The following CSMD2 variants were observed in gnomAD, a reference collection of about 807,000 sequenced individuals.
CSMD2 encodes the protein CUB and sushi domain-containing protein 2.
In CSMD2, 130 loss-of-function variants were observed where a neutral mutation model predicts 398.5. That is an observed-to-expected ratio of 0.33 (90% CI 0.28 to 0.38). CSMD2 has a LOEUF of 0.38. Among genes scored for constraint, CSMD2 ranks in the 10% least tolerant of loss-of-function variants. The probability of loss-of-function intolerance (pLI) is 1.00; values close to 1 mark genes in which losing one functional copy is unlikely to be tolerated. For missense variants in CSMD2, 3,829 were observed against 4,764.9 expected (o/e 0.80, Z 5.78); for synonymous variants, 1,828 against 1,908.5 (o/e 0.96, Z 1.10).
chr1:33,804,779 A>T (rs1656024526), intron 10 of CSMD2: 2 of 717,468 alleles, frequency 2.8e-6, no homozygotes, highest in Non-Finnish European at 5.2e-6. Flanking sequence ...GGTTAGGCAC[A>T]CAGCATCCAT....
intron 44 of CSMD2, among the ~76,000 whole-genome samples, chr1:33,597,815 T>G (rs1165120118): frequency 6.6e-6 from 1 of 152,216 alleles, no homozygotes; most frequent in East Asian, 1.9e-4. Context: ...TCTTATTGCT[T>G]GAAATGAAAC....
intron 41 of CSMD2, among the ~76,000 whole-genome samples, chr1:33,610,402 C>T (rs1217723634): frequency 6.6e-6 from 1 of 152,164 alleles, no homozygotes; most frequent in African/African-American, 2.4e-5. Flanking sequence ...TACAGCTGCA[C>T]AGGTTGGGCA....
At chr1:33,980,759 T>A (rs536989612) in intron 3 of CSMD2, among the ~76,000 whole-genome samples, 4 of 152,252 alleles carry the variant, frequency 2.6e-5, no homozygotes, top group African/African-American at 9.6e-5. Context: ...GCCCAACAAG[T>A]ATATGCAAAT....
At chr1:33,962,604 G>A (rs1645403261) in intron 3 of CSMD2, among the ~76,000 whole-genome samples, 4 of 152,038 alleles carry the variant, frequency 2.6e-5, no homozygotes, top group Admixed American at 6.6e-5. Flanking sequence ...CCTTCCAATG[G>A]CCTGCAGGGC....
At chr1:34,066,151 TC>T (rs1036207369) in intron 2 of CSMD2, among the ~76,000 whole-genome samples, 1 of 152,200 alleles carries the variant, frequency 6.6e-6, no homozygotes, top group African/African-American at 2.4e-5. Flanking sequence ...ATGTAGCATT[TC>T]AAGCTGAGAA....
intron 41 of CSMD2, among the ~76,000 whole-genome samples, chr1:33,610,642 G>A (rs1640934172): frequency 6.6e-6 from 1 of 152,186 alleles, no homozygotes; most frequent in African/African-American, 2.4e-5. Flanking sequence ...CCTGTCATAG[G>A]AAGAGCTTTG....
intron 57 of CSMD2, 66 bp downstream of exon 57, chr1:33,545,971 G>C (rs115784501): frequency 0.021 from 31,561 of 1,493,298 alleles, 448 homozygotes; most frequent in Non-Finnish European, 0.026. Context: ...CTGGGAATAA[G>C]AGCAGGAGCA....
chr1:33,540,107 C>T (rs1176593046), intron 60 of CSMD2, among the ~76,000 whole-genome samples: 1 of 151,968 alleles, frequency 6.6e-6, no homozygotes, highest in African/African-American at 2.4e-5. Context: ...TACAACTGGG[C>T]CAGGTGTATA....
Position 33,537,285 on chromosome 1 carries a change from T to C in CSMD2, c.9805+151A>G. On this transcript the variant is annotated intron_variant, in intron 61 of 70. Transcript: ENST00000373381. This position sits in a 1 kb window ranked among gnomAD's most constrained non-coding sequence, Gnocchi z 4.6. The stretch of plus-strand genomic sequence containing the variant: ...TCGAAGCACACTAGCTCTGGCTATT[T>C]TACATCCTGCTGCAGAAGCTCAGAG... 9.0e-7 allele frequency: 1 copy of C among 1,110,242 alleles called. No individual in the cohort carries two copies. Among genetic ancestry groups the C allele is most frequent in the Non-Finnish European group, 1.3e-6 (1 of 758,490 alleles). The allele number at this position is 1,110,242 out of a possible 1,614,324, so 68.8% of individuals were successfully genotyped here.
chr1:33,592,692 A>G (rs764102057), intron 44 of CSMD2, among the ~76,000 whole-genome samples: 14 of 152,122 alleles, frequency 9.2e-5, no homozygotes, highest in Non-Finnish European at 1.9e-4. Flanking sequence ...GCTCACACCT[A>G]TAATCCCAGC....
intron 25 of CSMD2, among the ~76,000 whole-genome samples, chr1:33,682,962 G>A (rs1359963483): frequency 2.0e-5 from 3 of 152,196 alleles, no homozygotes; most frequent in Middle Eastern, 6.3e-3. Flanking sequence ...TTCCCCAGGG[G>A]AGGTGATGGC....
intron 3 of CSMD2, among the ~76,000 whole-genome samples, chr1:34,005,266 A>G (rs1467837295): frequency 6.6e-6 from 1 of 152,224 alleles, no homozygotes; most frequent in Non-Finnish European, 1.5e-5. Flanking sequence ...ATGACGGGTC[A>G]TGTGCTCATT....
At chr1:33,764,086 C>G (rs1165541537) in intron 13 of CSMD2, among the ~76,000 whole-genome samples, 2 of 152,148 alleles carry the variant, frequency 1.3e-5, no homozygotes, top group Admixed American at 1.3e-4. Flanking sequence ...CAGAATCTTC[C>G]TTCCCCCATA....
At chr1:34,148,565 G>A (rs10914876) in intron 1 of CSMD2, among the ~76,000 whole-genome samples, 4,541 of 150,480 alleles carry the variant, frequency 0.03, 105 homozygotes, top group African/African-American at 0.056. Context: ...CTACATCTGC[G>A]GACACAGCAG....
In CSMD2 at chr1:34,139,779, C is replaced by T. The variant is rs137901624; in HGVS notation, c.187+25132G>A. On this transcript the variant is annotated intron_variant, in intron 1 of 70. Coordinates refer to ENST00000373381, the MANE Select transcript of CSMD2 (RefSeq NM_001281956.2). Reference sequence around the variant, plus strand: ...AATGTCTACAGAGTACTTAGCACAGCGGCTGGAGCACTGAGTACATCTTAT... The same window carrying T: ...AATGTCTACAGAGTACTTAGCACAGTGGCTGGAGCACTGAGTACATCTTAT... Among the ~76,000 whole-genome samples, 490 of 152,236 alleles carry T rather than the reference C, an allele frequency of 3.2e-3. 1 individual carries two copies. Among genetic ancestry groups the T allele is most frequent in the East Asian group, 0.021 (111 of 5,172 alleles).
chr1:34,080,022 T>C (rs926074295), intron 2 of CSMD2, among the ~76,000 whole-genome samples: 5 of 147,010 alleles, frequency 3.4e-5, no homozygotes, highest in African/African-American at 1.3e-4. Context: ...CCTAAAACAA[T>C]AATATAGATA....
Position 34,064,726 on chromosome 1 carries a change from A to G in CSMD2, c.404+24251T>C, listed in dbSNP as rs1387638985. On this transcript the variant is annotated intron_variant, in intron 2 of 70. Coordinates refer to ENST00000373381, the MANE Select transcript of CSMD2 (RefSeq NM_001281956.2). ...TCGGGTATCTTTTCAGCAACACTTC[A>G]CTCTACTGGTACCAGTTTACTGTAT... Among the ~76,000 whole-genome samples, 6 of 152,042 alleles carry G rather than the reference A, an allele frequency of 3.9e-5. No individual in the cohort carries two copies. The East Asian group carries it at 1.2e-3, about 29-fold the overall frequency.
chr1:34,164,212 A>C lies in CSMD2; in HGVS notation c.187+699T>G, dbSNP rs1383603735. The stretch of plus-strand genomic sequence containing the variant: ...TCCCCCGCCTCGGGCTACAACCCCC[A>C]CCCCCTCCTTCCCATCCCTCAACAC... On this transcript the variant is annotated intron_variant, in intron 1 of 70. Transcript: ENST00000373381. This position sits in a 1 kb window ranked among gnomAD's most constrained non-coding sequence, Gnocchi z 6.2. Among the ~76,000 whole-genome samples, 18 of 113,430 alleles carry C rather than the reference A, an allele frequency of 1.6e-4. No homozygotes were observed. Among genetic ancestry groups the C allele is most frequent in the Admixed American group, 1.7e-4 (2 of 12,112 alleles). 74.4% of individuals were successfully genotyped at this position (113,430 alleles called of 152,430 possible).
intron 1 of CSMD2, among the ~76,000 whole-genome samples, chr1:34,159,404 G>C (rs898221511): frequency 1.3e-5 from 2 of 149,728 alleles, no homozygotes; most frequent in African/African-American, 5.0e-5. Context: ...GTGGGATTCA[G>C]GCCTCAAAAG....
Sources: gnomAD v4.1 joint callset for allele counts (sites outside exome capture counted in the v4.1 genomes callset) on GRCh38, gnomAD v4.1.1 for gene constraint, Gnocchi (gnomAD v3.1) non-coding constraint, MANE v1.5 for transcripts, NCBI Gene and HGNC (gene_info 2026-07-23, HGNC 2026-07-21) for gene names.